The following CACUL1 variants were observed in gnomAD, a reference collection of about 807,000 sequenced individuals.
The protein encoded by CACUL1 is CDK2-associated and cullin domain-containing protein 1.
Under a neutral mutation model 45.2 loss-of-function variants are expected in CACUL1, and 13 were observed. The ratio of observed to expected loss-of-function variants is 0.29; its 90% CI spans 0.19 to 0.46. The LOEUF is 0.46. Ranked by LOEUF, CACUL1 falls within the 20% of genes least tolerant of loss-of-function variation. The pLI, the probability that CACUL1 is intolerant of heterozygous loss-of-function variation, is 1.00. For synonymous variants in CACUL1, 197 were observed against 174.2 expected (o/e 1.13, Z -1.03); for missense variants, 421 against 471.4 (o/e 0.89, Z 0.99).
At chr10:118,738,462 TCCCCACCCCTAC>T (rs1845760654) in intron 1 of CACUL1, among the ~76,000 whole-genome samples, 1 of 150,016 alleles carries the variant, frequency 6.7e-6, no homozygotes. Context: ...TATGCTTTAT[TCCCCACCCCTAC>T]CCCCACCCCC....
rs1483693903 is a variant in CACUL1, at chr10:118,754,828, G to A, written c.-66C>T. The stretch of plus-strand genomic sequence containing the variant: ...CCGCCTGTCTCAACCCCGGGCCAGC[G>A]GGCACCGCTGCCTCCCCGAGTTACA... On this transcript the variant is annotated 5_prime_UTR_variant, in exon 1 of 9. Coordinates refer to ENST00000369151, the MANE Select transcript of CACUL1 (RefSeq NM_153810.5). 5.3e-6 allele frequency: 8 copies of A among 1,497,686 alleles called. No individual in the cohort carries two copies. Among genetic ancestry groups the A allele is most frequent in the African/African-American group, 1.5e-5 (1 of 68,312 alleles). The allele number at this position is 1,497,686 out of a possible 1,614,324, so 92.8% of individuals were successfully genotyped here.
chr10:118,701,438 G>A lies in CACUL1; in HGVS notation c.694-30C>T, dbSNP rs1336560919. 3 of 1,284,770 alleles carry A rather than the reference G, an allele frequency of 2.3e-6. No homozygotes were observed. In the East Asian group the frequency reaches 7.2e-5, roughly 31 times the overall value. The allele number at this position is 1,284,770 out of a possible 1,614,324, so 79.6% of individuals were successfully genotyped here. A position where few individuals can be genotyped will look rare whatever the true frequency, so the allele number is the denominator to read the frequency against. ...AAAATAAAATAAAATCTTTTTTTGTGTATTAATTGGGGAAATGATTAGTCT... is the reference window on the plus strand; with the variant it reads ...AAAATAAAATAAAATCTTTTTTTGTATATTAATTGGGGAAATGATTAGTCT... On this transcript the variant is annotated intron_variant, in intron 4 of 8. Coordinates refer to ENST00000369151, the MANE Select transcript of CACUL1 (RefSeq NM_153810.5).
At chr10:118,698,081 A>G (rs1237901119) in intron 5 of CACUL1, among the ~76,000 whole-genome samples, 1 of 151,998 alleles carries the variant, frequency 6.6e-6, no homozygotes, top group African/African-American at 2.4e-5. Flanking sequence ...AACAGACAGT[A>G]TTCATTTTAC....
chr10:118,710,873 T>C (rs1845478002), intron 3 of CACUL1, among the ~76,000 whole-genome samples: 1 of 152,230 alleles, frequency 6.6e-6, no homozygotes, highest in African/African-American at 2.4e-5. Context: ...TGTATGACAT[T>C]AGGGAATTCA....
intron 5 of CACUL1, among the ~76,000 whole-genome samples, chr10:118,697,112 C>T (rs1334264589): frequency 6.6e-6 from 1 of 152,084 alleles, no homozygotes; most frequent in Non-Finnish European, 1.5e-5. Flanking sequence ...AGTTAATCTC[C>T]CCTTTTAAGG....
intron 3 of CACUL1, 87 bp from the exon 4 acceptor site, chr10:118,707,674 A>T (rs1483663752): frequency 1.8e-6 from 1 of 562,990 alleles, no homozygotes; most frequent in Non-Finnish European, 3.1e-6. Context: ...GAAGGAATTC[A>T]AAATTCATAC....
intron 3 of CACUL1, among the ~76,000 whole-genome samples, chr10:118,713,477 G>A (rs528096051): frequency 6.6e-6 from 1 of 152,200 alleles, no homozygotes; most frequent in South Asian, 2.1e-4. Flanking sequence ...TGATGGCAGT[G>A]GCCACTCCAG....
intron 3 of CACUL1, among the ~76,000 whole-genome samples, chr10:118,717,151 G>A (rs1197029317): frequency 1.3e-5 from 2 of 152,188 alleles, no homozygotes; most frequent in African/African-American, 2.4e-5. Context: ...CACCTGTTAA[G>A]CATTTAGGAA....
chr10:118,712,698 G>A (rs1175961592), intron 3 of CACUL1, among the ~76,000 whole-genome samples: 1 of 152,202 alleles, frequency 6.6e-6, no homozygotes, highest in Non-Finnish European at 1.5e-5. Flanking sequence ...TCTGCAGCTG[G>A]TCGTCCCACT....
At chr10:118,746,668 A>G (rs186238955) in intron 1 of CACUL1, among the ~76,000 whole-genome samples, 8 of 152,344 alleles carry the variant, frequency 5.3e-5, no homozygotes, top group African/African-American at 1.7e-4. Flanking sequence ...GACAAACCAG[A>G]GGGAGAAAAC....
intron 4 of CACUL1, among the ~76,000 whole-genome samples, chr10:118,702,009 T>C (rs1589605447): frequency 6.6e-6 from 1 of 152,138 alleles, no homozygotes; most frequent in South Asian, 2.1e-4. Flanking sequence ...CATGTATACA[T>C]CCAGATGGCC....
chr10:118,751,881 T>C (rs772302192), intron 1 of CACUL1, among the ~76,000 whole-genome samples: 1 of 152,224 alleles, frequency 6.6e-6, no homozygotes, highest in East Asian at 1.9e-4. Context: ...AAGTTTCCTT[T>C]TTAAAGGTCT....
chr10:118,713,489 TGG>T (rs200495063), intron 3 of CACUL1, among the ~76,000 whole-genome samples: 1,552 of 152,236 alleles, frequency 0.01, 19 homozygotes, highest in African/African-American at 0.034. Context: ...CCACTCCAGA[TGG>T]GCCGCCACTG....
intron 4 of CACUL1, among the ~76,000 whole-genome samples, chr10:118,704,301 TCTAC>T (rs1845412983): frequency 6.6e-6 from 1 of 152,186 alleles, no homozygotes; most frequent in South Asian, 2.1e-4. Flanking sequence ...CTACTAAACT[TCTAC>T]ATTTACTTCA....
intron 7 of CACUL1, among the ~76,000 whole-genome samples, chr10:118,690,328 AAAAG>A (rs1450171761): frequency 6.8e-6 from 1 of 147,610 alleles, no homozygotes; most frequent in Non-Finnish European, 1.5e-5. Flanking sequence ...AAAAAAAAAA[AAAAG>A]AGTAAGGATT....
At chr10:118,720,965 A>G (rs1274615969) in intron 3 of CACUL1, among the ~76,000 whole-genome samples, 1 of 152,210 alleles carries the variant, frequency 6.6e-6, no homozygotes, top group Non-Finnish European at 1.5e-5. Context: ...TAGAACACAC[A>G]TGTAAAGGGC....
At chr10:118,707,367 C>A in intron 4 of CACUL1, 125 bp downstream of exon 4, 1 of 504,850 alleles carries the variant, frequency 2.0e-6, no homozygotes, top group South Asian at 3.3e-5. Flanking sequence ...ACTGAAATAA[C>A]TTAATTTCCA....
chr10:118,725,660 A>G (rs549569677), intron 3 of CACUL1, among the ~76,000 whole-genome samples: 30 of 152,362 alleles, frequency 2.0e-4, no homozygotes, highest in African/African-American at 7.0e-4. Flanking sequence ...TAGTTTAACA[A>G]CACAACAAAA....
Position 118,754,639 on chromosome 10 carries a change from G to C in CACUL1, c.124C>G (p.Pro42Ala). 6.2e-7 allele frequency: 1 copy of C among 1,606,612 alleles called. No homozygotes were observed. The highest frequency in any genetic ancestry group is 8.5e-7 in the Non-Finnish European group (1 of 1,177,284). ...CGGGCAGGGGCCGGGATCGACGAGG[G>C]GGGCGGCGGAGGTGGCAGGGGCTGC... ...FRQPLPPPPP[P>A]SSIPAPAREP... The change falls in exon 1 of 9, where the codon CCC (proline) becomes GCC (alanine). Residue 42 changes from proline to alanine, a missense_variant. Physicochemically the swap from Pro to Ala is conservative, Grantham distance 27. Transcript: ENST00000369151.
Sources: gnomAD v4.1 joint callset for allele counts (sites outside exome capture counted in the v4.1 genomes callset) on GRCh38, gnomAD v4.1.1 for gene constraint, MANE v1.5 for transcripts, NCBI Gene and HGNC (gene_info 2026-07-23, HGNC 2026-07-21) for gene names.